The following LRMDA variants were observed in gnomAD, a reference collection of about 807,000 sequenced individuals.
LRMDA encodes the protein leucine-rich melanocyte differentiation-associated protein.
In LRMDA, 18 loss-of-function variants were observed where a neutral mutation model predicts 29.8. That is an observed-to-expected ratio of 0.60 (90% confidence interval 0.42 to 0.90). The LOEUF (loss-of-function observed/expected upper bound fraction) is 0.90. LRMDA is among the 40% of genes least tolerant of loss of function. The pLI is 0.00. For synonymous variants in LRMDA, 125 were observed against 109.4 expected (o/e 1.14, Z -0.89); for missense variants, 273 against 273.9 (o/e 1.00, Z 0.02).
At chr10:76,436,858 G>T (rs1168434885) in intron 6 of LRMDA, among the ~76,000 whole-genome samples, 2 of 152,264 alleles carry the variant, frequency 1.3e-5, no homozygotes, top group East Asian at 3.9e-4. Flanking sequence ...CCTTCAATTG[G>T]TCAGGTGGAT....
intron 5 of LRMDA, among the ~76,000 whole-genome samples, chr10:76,128,334 G>C (rs1300631848): frequency 6.6e-6 from 1 of 152,194 alleles, no homozygotes; most frequent in Non-Finnish European, 1.5e-5. Flanking sequence ...CAGCACAGAT[G>C]GGAAACCCTG....
At chr10:76,478,658 C>T (rs1380192417) in intron 6 of LRMDA, among the ~76,000 whole-genome samples, 5 of 151,948 alleles carry the variant, frequency 3.3e-5, no homozygotes, top group Non-Finnish European at 7.4e-5. Flanking sequence ...AAATGTCCAA[C>T]AATGATAGAC....
Position 76,279,726 on chromosome 10 carries a change from T to A in LRMDA, c.517-44675T>A, listed in dbSNP as rs190884386. ...ATACCCAGCTAATTTTTTGTATTTT[T>A]AGTAGAGACAGGGTTTCACCATGTT... is the stretch of plus-strand genomic sequence containing the variant. On this transcript the variant is annotated intron_variant, in intron 5 of 6. Transcript: ENST00000611255. 3.4e-3 allele frequency among the ~76,000 whole-genome samples: 513 copies of A among 152,170 alleles called. 26 individuals carry two copies. The East Asian group carries it at 0.077, about 23-fold the overall frequency.
intron 6 of LRMDA, among the ~76,000 whole-genome samples, chr10:76,521,132 ATTTTT>A (rs11286208): frequency 8.7e-6 from 1 of 114,662 alleles, no homozygotes; most frequent in Non-Finnish European, 1.9e-5. Flanking sequence ...CATTATTACC[ATTTTT>A]TTTTTTTTTT....
At chr10:75,811,393 G>C (rs1164507610) in intron 2 of LRMDA, among the ~76,000 whole-genome samples, 1 of 151,980 alleles carries the variant, frequency 6.6e-6, no homozygotes, top group Non-Finnish European at 1.5e-5. Flanking sequence ...TAGTATTCTT[G>C]GGGTGAATTT....
chr10:75,711,879 G>C (rs1331830571), intron 2 of LRMDA, among the ~76,000 whole-genome samples: 1 of 151,830 alleles, frequency 6.6e-6, no homozygotes, highest in Non-Finnish European at 1.5e-5. Flanking sequence ...TGATCATGTA[G>C]TATGTTTCTC....
chr10:75,675,517 T>G (rs1296234657), intron 2 of LRMDA, among the ~76,000 whole-genome samples: 1 of 152,194 alleles, frequency 6.6e-6, no homozygotes, highest in Non-Finnish European at 1.5e-5. Flanking sequence ...CCTTAATAGC[T>G]GATAAGAGTC....
chr10:76,340,515 C>CAAACAAA (rs1200375960), intron 6 of LRMDA, among the ~76,000 whole-genome samples: 1 of 75,762 alleles, frequency 1.3e-5, no homozygotes, highest in Non-Finnish European at 2.3e-5. Flanking sequence ...GAACCTGTAT[C>CAAACAAA]AAAAAAAAAA....
intron 2 of LRMDA, among the ~76,000 whole-genome samples, chr10:75,765,869 C>T (rs1280888266): frequency 6.6e-6 from 1 of 151,698 alleles, no homozygotes; most frequent in Non-Finnish European, 1.5e-5. Context: ...CTGAGCCTGA[C>T]ATCTCCCAGC....
At chr10:75,652,828 A>G (rs1288571905) in intron 2 of LRMDA, among the ~76,000 whole-genome samples, 1 of 152,246 alleles carries the variant, frequency 6.6e-6, no homozygotes, top group Non-Finnish European at 1.5e-5. Flanking sequence ...TTTCTAGTTT[A>G]AACATAATTC....
intron 2 of LRMDA, among the ~76,000 whole-genome samples, chr10:75,948,307 C>G (rs1202288438): frequency 6.6e-6 from 1 of 152,168 alleles, no homozygotes; most frequent in African/African-American, 2.4e-5. Flanking sequence ...TAATGCAGTA[C>G]TTTGTTCCCG....
chr10:76,225,095 G>A (rs1312596692), intron 5 of LRMDA, among the ~76,000 whole-genome samples: 3 of 151,942 alleles, frequency 2.0e-5, no homozygotes, highest in Non-Finnish European at 4.4e-5. Context: ...ATTTGACGCC[G>A]CCAAATCTCA....
intron 2 of LRMDA, among the ~76,000 whole-genome samples, chr10:75,659,851 C>T (rs766823381): frequency 2.8e-4 from 43 of 152,080 alleles, no homozygotes; most frequent in Non-Finnish European, 6.3e-4. Flanking sequence ...CTCCTTTTTT[C>T]TTCTTTCTCT....
intron 2 of LRMDA, among the ~76,000 whole-genome samples, chr10:75,543,054 C>T (rs958306813): frequency 9.9e-5 from 15 of 152,142 alleles, no homozygotes; most frequent in South Asian, 8.3e-4. Flanking sequence ...AGTCCAAGCG[C>T]GAGGCCAGGG....
At chr10:76,130,961 C>T (rs1285852785) in intron 5 of LRMDA, among the ~76,000 whole-genome samples, 1 of 152,202 alleles carries the variant, frequency 6.6e-6, no homozygotes, top group East Asian at 1.9e-4. Flanking sequence ...CCATGCCTGG[C>T]CCCACCTAGC....
chr10:76,504,739 T>C (rs1021302723), intron 6 of LRMDA, among the ~76,000 whole-genome samples: 6 of 152,118 alleles, frequency 3.9e-5, no homozygotes, highest in South Asian at 2.1e-4. Context: ...AGTTTGATCT[T>C]GTCTTTTTAT....
At chr10:76,020,403 G>A (rs1474153588) in intron 2 of LRMDA, among the ~76,000 whole-genome samples, 4 of 152,386 alleles carry the variant, frequency 2.6e-5, no homozygotes, top group South Asian at 4.1e-4. Flanking sequence ...TCTGGCAGAG[G>A]ACGAAGACAG....
chr10:76,508,652 G>T (rs144527100), intron 6 of LRMDA, among the ~76,000 whole-genome samples: 29 of 150,922 alleles, frequency 1.9e-4, no homozygotes, highest in African/African-American at 6.8e-4. Context: ...TCTTTTATAA[G>T]TTGATCTTAT....
At chr10:75,577,844 A>G (rs1428869253) in intron 2 of LRMDA, among the ~76,000 whole-genome samples, 2 of 152,176 alleles carry the variant, frequency 1.3e-5, no homozygotes, top group Non-Finnish European at 2.9e-5. Context: ...ATGCTGAGAG[A>G]TTTTGTTACC....
Sources: gnomAD v4.1 joint callset for allele counts (sites outside exome capture counted in the v4.1 genomes callset) on GRCh38, gnomAD v4.1.1 for gene constraint, MANE v1.5 for transcripts, NCBI Gene and HGNC (gene_info 2026-07-23, HGNC 2026-07-21) for gene names.